RABGAP1L: variants seen among roughly 807,000 people sequenced by gnomAD.
RABGAP1L encodes RAB GTPase activating protein 1 like.
Under a neutral mutation model 137.7 loss-of-function variants are expected in RABGAP1L, and 63 were observed. The observed-to-expected ratio is 0.46, with a 90% CI of 0.37 to 0.56. The LOEUF is 0.56. Ranked by LOEUF, RABGAP1L falls within the 20% of genes least tolerant of loss-of-function variation. RABGAP1L has a pLI of 0.00. For synonymous variants in RABGAP1L, 431 were observed against 433.7 expected (o/e 0.99, Z 0.08); for missense variants, 1,095 against 1,244.0 (o/e 0.88, Z 1.80).
At chr1:174,652,128 A>G (rs181839999) in intron 14 of RABGAP1L, among the ~76,000 whole-genome samples, 18 of 152,288 alleles carry the variant, frequency 1.2e-4, no homozygotes, top group Non-Finnish European at 2.5e-4. Context: ...ATTCTGGGTT[A>G]AAAATTCTTT....
chr1:174,540,115 C>A (rs543472850), intron 13 of RABGAP1L, among the ~76,000 whole-genome samples: 1 of 152,226 alleles, frequency 6.6e-6, no homozygotes, highest in East Asian at 1.9e-4. Flanking sequence ...CTGTTCATAT[C>A]CTTTGCCCAC....
At chr1:174,256,548 C>T (rs1321319845) in intron 7 of RABGAP1L, among the ~76,000 whole-genome samples, 3 of 152,140 alleles carry the variant, frequency 2.0e-5, no homozygotes, top group South Asian at 2.1e-4. Flanking sequence ...ATTGGGAGGC[C>T]GAGGCGGGCA....
At chr1:174,649,775 C>T (rs772493345) in intron 14 of RABGAP1L, among the ~76,000 whole-genome samples, 1 of 152,162 alleles carries the variant, frequency 6.6e-6, no homozygotes. Context: ...ATGATGTCAT[C>T]TGCAAACGGA....
intron 13 of RABGAP1L, among the ~76,000 whole-genome samples, chr1:174,471,913 G>A (rs1398822934): frequency 6.6e-6 from 1 of 152,128 alleles, no homozygotes; most frequent in African/African-American, 2.4e-5. Context: ...TAAGTGTGGG[G>A]CCCTAATTGG....
At chr1:174,902,126 G>C (rs1041963326) in intron 19 of RABGAP1L, among the ~76,000 whole-genome samples, 1 of 152,208 alleles carries the variant, frequency 6.6e-6, no homozygotes, top group African/African-American at 2.4e-5. Flanking sequence ...GGTGGCTGAA[G>C]ACCCACATTG....
chr1:174,744,391 C>A (rs1053293125), intron 17 of RABGAP1L, among the ~76,000 whole-genome samples: 1 of 152,148 alleles, frequency 6.6e-6, no homozygotes, highest in Non-Finnish European at 1.5e-5. Flanking sequence ...TCACTACTTT[C>A]TTTGAAACAA....
At chr1:174,221,293 C>T (rs1558043326) in intron 3 of RABGAP1L, 129 bp downstream of exon 3, 18 of 724,380 alleles carry the variant, frequency 2.5e-5, no homozygotes, top group East Asian at 5.8e-5. Flanking sequence ...GTTTCCACTT[C>T]GGTGTTATGT....
chr1:174,725,539 T>G (rs1681909760), intron 17 of RABGAP1L, among the ~76,000 whole-genome samples: 1 of 152,216 alleles, frequency 6.6e-6, no homozygotes, highest in Non-Finnish European at 1.5e-5. Flanking sequence ...AATTCATGTA[T>G]AACTTTTGCC....
At chr1:174,199,904 C>T (rs1332455803) in intron 1 of RABGAP1L, among the ~76,000 whole-genome samples, 2 of 152,154 alleles carry the variant, frequency 1.3e-5, no homozygotes, top group Middle Eastern at 6.8e-3. Context: ...ATTATTGGCT[C>T]TAAAAAATAC....
intron 19 of RABGAP1L, among the ~76,000 whole-genome samples, chr1:174,885,573 C>T (rs926433697): frequency 1.1e-4 from 17 of 152,066 alleles, no homozygotes; most frequent in Non-Finnish European, 2.5e-4. Context: ...CCAGGCTAAT[C>T]TGGAACTCCT....
intron 1 of RABGAP1L, among the ~76,000 whole-genome samples, chr1:174,215,505 A>T (rs1050651766): frequency 6.6e-6 from 1 of 152,062 alleles, no homozygotes; most frequent in Non-Finnish European, 1.5e-5. Flanking sequence ...TTAAAAATGG[A>T]CAATAGATTT....
chr1:174,699,618 T>C lies in RABGAP1L; in HGVS notation c.1993T>C (p.Cys665Arg). ...LYRNNFEDLH[C>R]KFYQLERLMQ... ...CAGAAACAACTTCGAAGATCTTCAT[T>C]GCAAATTCTACCAGTTGGAGAGACT... Residue 665 changes from cysteine to arginine, a missense_variant, in exon 16 of 26, where the codon TGC becomes CGC. Cys to Arg is a radical substitution (Grantham distance 180, BLOSUM62 -3). Coordinates refer to ENST00000681986, the MANE Select transcript of RABGAP1L (RefSeq NM_001366446.1). 1 of 1,608,716 alleles carries C rather than the reference T, an allele frequency of 6.2e-7. No individual in the cohort carries two copies. The highest frequency in any genetic ancestry group is 8.5e-7 in the Non-Finnish European group (1 of 1,175,182).
intron 17 of RABGAP1L, among the ~76,000 whole-genome samples, chr1:174,736,631 G>C (rs1682966619): frequency 6.6e-6 from 1 of 152,270 alleles, no homozygotes; most frequent in African/African-American, 2.4e-5. Context: ...CACTGCCCTA[G>C]TAGAGGTTCT....
intron 13 of RABGAP1L, among the ~76,000 whole-genome samples, chr1:174,460,773 C>A (rs1462073232): frequency 6.6e-6 from 1 of 151,876 alleles, no homozygotes; most frequent in Non-Finnish European, 1.5e-5. Flanking sequence ...TTCTTCCTAG[C>A]CCCTATAGGG....
At chr1:174,517,534 C>T (rs1662977342) in intron 13 of RABGAP1L, among the ~76,000 whole-genome samples, 1 of 152,034 alleles carries the variant, frequency 6.6e-6, no homozygotes, top group Admixed American at 6.6e-5. Context: ...TTAAAAAATG[C>T]CTGTATCCAT....
At chr1:174,311,242 C>T (rs935502782) in intron 11 of RABGAP1L, among the ~76,000 whole-genome samples, 13 of 152,014 alleles carry the variant, frequency 8.6e-5, no homozygotes, top group African/African-American at 3.1e-4. Flanking sequence ...CTTCACAAGG[C>T]GGCAGGAGAG....
intron 19 of RABGAP1L, among the ~76,000 whole-genome samples, chr1:174,929,475 G>T (rs67903803): frequency 0.21 from 32,152 of 151,988 alleles, 3,641 homozygotes; most frequent in Admixed American, 0.25. Context: ...AGACACAGTG[G>T]CTCATGCCTG....
At chr1:174,355,469 G>T (rs565373093) in intron 11 of RABGAP1L, among the ~76,000 whole-genome samples, 3 of 133,928 alleles carry the variant, frequency 2.2e-5, no homozygotes, top group African/African-American at 6.3e-5. Flanking sequence ...GTTGTGGGGT[G>T]GGGGGAGTGG....
intron 14 of RABGAP1L, among the ~76,000 whole-genome samples, chr1:174,677,159 CAA>C (rs10636911): frequency 4.7e-5 from 6 of 126,344 alleles, no homozygotes; most frequent in Non-Finnish European, 7.9e-5. Flanking sequence ...CCATCTCTAC[CAA>C]AAAAAAAAAA....
Sources: allele counts gnomAD v4.1 joint callset (sites outside exome capture counted in the v4.1 genomes callset), GRCh38; gene constraint gnomAD v4.1.1; transcripts MANE v1.5; gene names NCBI Gene and HGNC (gene_info 2026-07-23, HGNC 2026-07-21).